LGALS4: variants seen among roughly 807,000 people sequenced by gnomAD.
LGALS4 encodes galectin-4.
A neutral mutation model predicts 39.6 loss-of-function variants in LGALS4; 37 were observed. That is an observed-to-expected ratio of 0.93 (90% CI 0.72 to 1.23). The LOEUF is 1.23. LGALS4 is among the 50% of genes most tolerant of loss of function. LGALS4 has a pLI of 0.00. For missense variants in LGALS4, 397 were observed against 433.2 expected (o/e 0.92, Z 0.74); for synonymous variants, 160 against 165.5 (o/e 0.97, Z 0.25).
At chr19:38,804,578 C>G (rs1321704873) in intron 4 of LGALS4, among the ~76,000 whole-genome samples, 3 of 152,182 alleles carry the variant, frequency 2.0e-5, no homozygotes, top group African/African-American at 7.2e-5. Context: ...CTCTTTCTCT[C>G]TGTTACCTTC....
At chr19:38,809,560 C>T (rs1210939199) in intron 2 of LGALS4, among the ~76,000 whole-genome samples, 4 of 150,674 alleles carry the variant, frequency 2.7e-5, no homozygotes, top group Admixed American at 6.6e-5. Flanking sequence ...TGGCTCACTG[C>T]AGCCTCAACC....
At chr19:38,806,175 G>A (rs1303232509) in intron 4 of LGALS4, among the ~76,000 whole-genome samples, 1 of 151,812 alleles carries the variant, frequency 6.6e-6, no homozygotes, top group Non-Finnish European at 1.5e-5. Flanking sequence ...AGACCATCTT[G>A]GCTAACACAG....
In LGALS4 at chr19:38,802,091, G is replaced by A; in HGVS notation, c.726C>T (p.Gly242=). 1 of 1,614,222 alleles carries A rather than the reference G, an allele frequency of 6.2e-7. No individual in the cohort carries two copies. The highest frequency in any genetic ancestry group is 8.5e-7 in the Non-Finnish European group (1 of 1,180,028). Residue 242 remains glycine (G), a synonymous_variant, in exon 9 of 10, where the codon GGC becomes GGT. Transcript: ENST00000307751. ...DIALHINPRM[G]NGTVVRNSLL... ...GGCTGTTCCGGACCACGGTACCGTT[G>A]CCCATGCGGGGATTAATGTGCAGAG...
At chr19:38,809,751 G>A (rs138030891) in intron 2 of LGALS4, among the ~76,000 whole-genome samples, 1 of 144,176 alleles carries the variant, frequency 6.9e-6, no homozygotes, top group African/African-American at 2.6e-5. Context: ...CGGCCTCTCA[G>A]AGTGCTGGGA....
At chr19:38,809,592 T>C (rs1313751337) in intron 2 of LGALS4, among the ~76,000 whole-genome samples, 1 of 148,758 alleles carries the variant, frequency 6.7e-6, no homozygotes, top group African/African-American at 2.5e-5. Context: ...CTGATTCTCC[T>C]GCCTCAGCCT....
rs1297211168 is a variant in LGALS4 at position 38,812,830 on chromosome 19, CT to C, written c.45+11del. 1 of 1,610,740 alleles carries C rather than the reference CT, an allele frequency of 6.2e-7. No individual in the cohort carries two copies. The highest frequency in any genetic ancestry group is 2.2e-5 in the East Asian group (1 of 44,896). ...AGCTGCGGGCGGAGTGGGGCCTGAG[CT>C]GGCATCTCACCGGGTTGTAGGTGGG... On this transcript the variant is annotated intron_variant, in intron 1 of 9. Coordinates refer to ENST00000307751, the MANE Select transcript of LGALS4 (RefSeq NM_006149.4).
chr19:38,807,144 A>T (rs1971431522), intron 3 of LGALS4, among the ~76,000 whole-genome samples: 1 of 151,930 alleles, frequency 6.6e-6, no homozygotes, highest in Non-Finnish European at 1.5e-5. Flanking sequence ...AAGGTGGGGG[A>T]TCATTTGAGA....
intron 2 of LGALS4, among the ~76,000 whole-genome samples, chr19:38,809,309 A>C (rs1270733879): frequency 2.7e-5 from 4 of 150,226 alleles, no homozygotes; most frequent in Non-Finnish European, 5.9e-5. Flanking sequence ...CCTCCCAAGT[A>C]GCTGGGATTA....
chr19:38,803,626 C>T (rs375178073), intron 6 of LGALS4, 75 bp from the exon 7 acceptor site: 1,085 of 1,595,338 alleles, frequency 6.8e-4, no homozygotes, highest in Non-Finnish European at 8.0e-4. Flanking sequence ...TAGACTCCGG[C>T]GTTTCTCTAG....
chr19:38,802,292 G>A, intron 8 of LGALS4, 24 bp downstream of exon 8: 1 of 1,607,908 alleles, frequency 6.2e-7, no homozygotes, highest in Non-Finnish European at 8.5e-7. Context: ...GGGGCTGGGG[G>A]TTCCCACCTA....
Position 38,812,493 on chromosome 19 carries a change from C to A in LGALS4, c.72G>T (p.Pro24=), listed in dbSNP as rs76163867. The part of the protein sequence containing the change: ...NPTLPYYQPI[P]GGLNVGMSVY... ...CAGACATTCCCACGTTGAGCCCGCC[C>A]GGGATGGGCTGGTAGTAAGGCAGCG... Residue 24 remains proline, a synonymous_variant, in exon 2 of 10, where the codon CCG becomes CCT. Transcript: ENST00000307751. 1,322 of 1,614,166 alleles carry A rather than the reference C, an allele frequency of 8.2e-4. 7 individuals carry two copies. The African/African-American group carries it at 0.016, about 19-fold the overall frequency.
intron 2 of LGALS4, among the ~76,000 whole-genome samples, chr19:38,811,907 A>G (rs1600002001): frequency 6.6e-6 from 1 of 151,922 alleles, no homozygotes; most frequent in Non-Finnish European, 1.5e-5. Flanking sequence ...CAGCTACTCA[A>G]GAGGCTGAGG....
intron 7 of LGALS4, 136 bp from the exon 8 acceptor site, chr19:38,802,540 G>A (rs1018487378): frequency 4.5e-6 from 3 of 665,808 alleles, no homozygotes; most frequent in Non-Finnish European, 7.8e-6. Context: ...TGTCACCCAG[G>A]CTGGAGTGCA....
Position 38,808,857 on chromosome 19 carries a change from A to G in LGALS4, c.226T>C (p.Phe76Leu). 6.2e-7 allele frequency: 1 copy of G among 1,614,150 alleles called. No individual in the cohort carries two copies. Among genetic ancestry groups the G allele is most frequent in the South Asian group, 1.1e-5 (1 of 91,080 alleles). ...CACTTCCCGCCCTGCAACGTGTTGA[A>G]GACCACCTTGTCCCAGCCGTCAAAC... ...PRFDGWDKVV[F>L]NTLQGGKWGS... Residue 76 changes from phenylalanine (F) to leucine (L), a missense_variant, in exon 3 of 10, where the codon TTC (phenylalanine) becomes CTC (leucine). Physicochemically the swap from Phe to Leu is conservative, Grantham distance 22. Transcript: ENST00000307751.
At chr19:38,812,222 C>T (rs1422180376) in intron 2 of LGALS4, among the ~76,000 whole-genome samples, 1 of 152,208 alleles carries the variant, frequency 6.6e-6, no homozygotes, top group African/African-American at 2.4e-5. Context: ...TCAGGGACTG[C>T]CTCTCACGGT....
intron 4 of LGALS4, among the ~76,000 whole-genome samples, chr19:38,804,814 C>T (rs1201861553): frequency 6.6e-6 from 1 of 151,600 alleles, no homozygotes; most frequent in Admixed American, 6.6e-5. Context: ...CAGAGCAAGA[C>T]TCCATCTAAA....
At position 38,812,445 on chromosome 19, in the gene LGALS4, G is replaced by A. The variant is rs767057278; in HGVS notation, c.120C>T (p.Ser40=). Residue 40 remains serine, a synonymous_variant, in exon 2 of 10, where the codon AGC becomes AGT. Transcript: ENST00000307751. ...GMSVYIQGVA[S]EHMKRFFVNF... is the part of the protein sequence containing the mutation. ...GAGGGTCTTACCGCTTCATGTGCTC[G>A]CTGGCCACTCCTTGGATGTAAACAG... 26 of 1,613,936 alleles carry A rather than the reference G, an allele frequency of 1.6e-5. No individual in the cohort carries two copies. The highest frequency in any genetic ancestry group is 1.9e-5 in the Non-Finnish European group (23 of 1,179,968).
chr19:38,805,166 A>AAATTAATAAT (rs1555719648), intron 4 of LGALS4, among the ~76,000 whole-genome samples: 75 of 121,090 alleles, frequency 6.2e-4, no homozygotes, highest in African/African-American at 2.5e-3. Flanking sequence ...CCTGCCTCAA[A>AAATTAATAAT]AATAATAATA....
At chr19:38,808,393 G>C (rs1025512100) in intron 3 of LGALS4, among the ~76,000 whole-genome samples, 1 of 151,978 alleles carries the variant, frequency 6.6e-6, no homozygotes, top group African/African-American at 2.4e-5. Context: ...GGAGGCCAAG[G>C]AGGGCAGAAC....
Sources: allele counts gnomAD v4.1 joint callset (sites outside exome capture counted in the v4.1 genomes callset), GRCh38; gene constraint gnomAD v4.1.1; transcripts MANE v1.5; gene names NCBI Gene and HGNC (gene_info 2026-07-23, HGNC 2026-07-21).